Variants in CMKLR1 observed in about 807,000 individuals in gnomAD.
CMKLR1 encodes the protein chemerin chemokine-like receptor 1.
A neutral mutation model predicts 8.2 loss-of-function variants in CMKLR1; 6 were observed. The observed-to-expected ratio is 0.73, with a 90% CI of 0.40 to 1.44. The LOEUF is 1.44. CMKLR1 is among the 40% of genes most tolerant of loss of function. The pLI is 0.02. For missense variants in CMKLR1, 429 were observed against 478.0 expected (o/e 0.90, Z 0.96); for synonymous variants, 178 against 181.2 (o/e 0.98, Z 0.14).
intron 1 of CMKLR1, among the ~76,000 whole-genome samples, chr12:108,336,640 C>T (rs146546347): frequency 5.6e-4 from 85 of 152,154 alleles, no homozygotes; most frequent in African/African-American, 2.0e-3. Context: ...TTCATAGCCT[C>T]GCAACTGGCG....
At chr12:108,304,722 C>T (rs544840436) in intron 2 of CMKLR1, among the ~76,000 whole-genome samples, 2 of 152,356 alleles carry the variant, frequency 1.3e-5, no homozygotes, top group South Asian at 2.1e-4. Context: ...ACACCGGTCA[C>T]GGGTCAGCCC....
At chr12:108,299,972 A>G (rs1387228589) in intron 2 of CMKLR1, among the ~76,000 whole-genome samples, 1 of 152,228 alleles carries the variant, frequency 6.6e-6, no homozygotes, top group Non-Finnish European at 1.5e-5. Flanking sequence ...TGTGGGGCAC[A>G]TGGCATTTAT....
At chr12:108,314,114 G>A (rs943117240) in intron 2 of CMKLR1, among the ~76,000 whole-genome samples, 3 of 152,206 alleles carry the variant, frequency 2.0e-5, no homozygotes, top group African/African-American at 7.2e-5. Flanking sequence ...TTATTGGCGT[G>A]ATGCAGCTGT....
Position 108,338,213 on chromosome 12 carries a change from G to A in CMKLR1, c.-287+814C>T, listed in dbSNP as rs543516350. On this transcript the variant is annotated intron_variant, in intron 1 of 3. Coordinates refer to ENST00000550402, the MANE Select transcript of CMKLR1 (RefSeq NM_001142343.2). ...GAGGGAGTGGAATATTTTCAACAGA[G>A]AGTGCCGGCAAAGGTTTTGTGTCCT... Among the ~76,000 whole-genome samples the A allele has an allele frequency of 7.9e-5, 12 of 152,314 alleles. No homozygotes were observed. The South Asian group carries it at 2.5e-3, about 32-fold the overall frequency.
chr12:108,336,298 G>A (rs559988498), intron 1 of CMKLR1, among the ~76,000 whole-genome samples: 19 of 152,176 alleles, frequency 1.2e-4, no homozygotes, highest in Non-Finnish European at 1.9e-4. Flanking sequence ...TGTAATCCCA[G>A]CACTTTTGGA....
At chr12:108,304,829 T>A (rs1007446676) in intron 2 of CMKLR1, among the ~76,000 whole-genome samples, 1 of 152,252 alleles carries the variant, frequency 6.6e-6, no homozygotes, top group African/African-American at 2.4e-5. Context: ...GTCAATCTGC[T>A]GTCTCTTTCA....
chr12:108,304,575 C>A (rs1005897296), intron 2 of CMKLR1, among the ~76,000 whole-genome samples: 15 of 151,974 alleles, frequency 9.9e-5, no homozygotes, highest in Non-Finnish European at 1.9e-4. Context: ...TTCTTTCTGC[C>A]TCTCTCTCTC....
chr12:108,306,935 C>A (rs1370603924), intron 2 of CMKLR1, among the ~76,000 whole-genome samples: 1 of 152,162 alleles, frequency 6.6e-6, no homozygotes, highest in East Asian at 1.9e-4. Flanking sequence ...TCCTTCCAGG[C>A]CAGGAAGCCC....
chr12:108,298,021 A>G (rs1444973621), intron 2 of CMKLR1, among the ~76,000 whole-genome samples: 1 of 152,174 alleles, frequency 6.6e-6, no homozygotes, highest in Non-Finnish European at 1.5e-5. Context: ...TGGAGGATTC[A>G]GGGTAAGGAA....
chr12:108,337,240 C>A (rs1165149444), intron 1 of CMKLR1, among the ~76,000 whole-genome samples: 1 of 152,080 alleles, frequency 6.6e-6, no homozygotes, highest in African/African-American at 2.4e-5. Flanking sequence ...GTTAATAGTA[C>A]CTTCATCATG....
chr12:108,325,612 AC>A (rs1229889530), intron 2 of CMKLR1, among the ~76,000 whole-genome samples: 1 of 152,280 alleles, frequency 6.6e-6, no homozygotes, highest in East Asian at 1.9e-4. Flanking sequence ...CCCCTGCCCC[AC>A]CCAGATAACC....
chr12:108,312,255 C>G (rs1566024204), intron 2 of CMKLR1, among the ~76,000 whole-genome samples: 1 of 152,258 alleles, frequency 6.6e-6, no homozygotes, highest in East Asian at 1.9e-4. Context: ...GAACTCAGAT[C>G]TGTGAGAACT....
At chr12:108,323,605 G>A (rs1827179540) in intron 2 of CMKLR1, among the ~76,000 whole-genome samples, 1 of 152,190 alleles carries the variant, frequency 6.6e-6, no homozygotes, top group Non-Finnish European at 1.5e-5. Context: ...CCATGAACCT[G>A]CACAAGTTTC....
chr12:108,299,416 C>G (rs1891211029), intron 2 of CMKLR1, among the ~76,000 whole-genome samples: 1 of 152,142 alleles, frequency 6.6e-6, no homozygotes, highest in Non-Finnish European at 1.5e-5. Context: ...TCAACCTCAT[C>G]CCTAGCAACC....
At chr12:108,300,012 A>G (rs777363905) in intron 2 of CMKLR1, among the ~76,000 whole-genome samples, 3 of 152,258 alleles carry the variant, frequency 2.0e-5, no homozygotes, top group Non-Finnish European at 4.4e-5. Context: ...GCATCTGATT[A>G]GATAACAAGT....
intron 2 of CMKLR1, among the ~76,000 whole-genome samples, chr12:108,294,403 T>C (rs1015466792): frequency 2.0e-5 from 3 of 152,334 alleles, no homozygotes; most frequent in East Asian, 3.9e-4. Context: ...TTCCAGTCTA[T>C]GGAAGAACAA....
intron 1 of CMKLR1, among the ~76,000 whole-genome samples, chr12:108,330,414 T>C (rs745757785): frequency 2.0e-5 from 3 of 152,182 alleles, no homozygotes; most frequent in Non-Finnish European, 4.4e-5. Context: ...AGCCACTAAA[T>C]TTGGGGGTGT....
intron 1 of CMKLR1, among the ~76,000 whole-genome samples, chr12:108,333,776 A>G (rs1421209980): frequency 6.6e-6 from 1 of 152,228 alleles, no homozygotes; most frequent in Non-Finnish European, 1.5e-5. Flanking sequence ...TCTTTCTCTG[A>G]TAGCACCACG....
At chr12:108,333,051 C>G (rs902716213) in intron 1 of CMKLR1, among the ~76,000 whole-genome samples, 2 of 152,206 alleles carry the variant, frequency 1.3e-5, no homozygotes, top group African/African-American at 4.8e-5. Flanking sequence ...GGCCTGCCCT[C>G]TTCTCACTAC....
Sources: gnomAD v4.1 joint callset for allele counts (sites outside exome capture counted in the v4.1 genomes callset) on GRCh38, gnomAD v4.1.1 for gene constraint, MANE v1.5 for transcripts, NCBI Gene and HGNC (gene_info 2026-07-23, HGNC 2026-07-21) for gene names.